Variants in SNRPN observed in about 807,000 individuals in gnomAD.
SNRPN encodes small nuclear ribonucleoprotein polypeptide N, also known as small nuclear ribonucleoprotein-associated protein N.
A neutral mutation model predicts 25.2 loss-of-function variants in SNRPN; 7 were observed. That is an observed-to-expected ratio of 0.28 (90% confidence interval 0.16 to 0.52). The LOEUF is 0.52. Ranked by LOEUF, SNRPN falls within the 20% of genes least tolerant of loss-of-function variation. SNRPN has a pLI of 0.96. For synonymous variants in SNRPN, 124 were observed against 110.6 expected (o/e 1.12, Z -0.76); for missense variants, 196 against 322.5 (o/e 0.61, Z 3.00).
Position 24,971,405 on chromosome 15 carries a change from G to A in SNRPN, c.-143-2906G>A, listed in dbSNP as rs958916165. 8.5e-5 allele frequency among the ~76,000 whole-genome samples: 13 copies of A among 152,224 alleles called. 1 individual carries two copies. The highest frequency in any genetic ancestry group is 6.8e-3 in the Middle Eastern group (2 of 294). ...TCATGACTACATTGTATCACATTTA[G>A]GGATGAGAGAGAACTGTTTCTAAAT... On this transcript the variant is annotated intron_variant, in intron 3 of 9. Transcript: ENST00000390687.
intron 2 of SNRPN, among the ~76,000 whole-genome samples, chr15:24,900,553 C>G (rs1378333092): frequency 6.6e-6 from 1 of 152,076 alleles, no homozygotes; most frequent in East Asian, 1.9e-4. Flanking sequence ...TCTTAAAGTC[C>G]CCTACAAATC....
At chr15:24,890,005 G>C (rs940991920) in intron 2 of SNRPN, among the ~76,000 whole-genome samples, 1 of 140,678 alleles carries the variant, frequency 7.1e-6, no homozygotes, top group Non-Finnish European at 1.5e-5. Flanking sequence ...AGCTGAGATC[G>C]CACCTCTGCA....
At chr15:24,919,076 T>A (rs2059875602) in intron 2 of SNRPN, among the ~76,000 whole-genome samples, 2 of 147,742 alleles carry the variant, frequency 1.4e-5, no homozygotes, top group Admixed American at 1.4e-4. Flanking sequence ...TAACATAATA[T>A]ATATGTGCGC....
intron 3 of SNRPN, among the ~76,000 whole-genome samples, chr15:24,924,368 G>T (rs916753493): frequency 6.6e-6 from 1 of 151,994 alleles, no homozygotes; most frequent in Non-Finnish European, 1.5e-5. Flanking sequence ...CAAAGTCTGC[G>T]TGTGTTATCA....
intron 3 of SNRPN, among the ~76,000 whole-genome samples, chr15:24,944,412 A>G (rs1271460486): frequency 6.6e-6 from 1 of 152,166 alleles, no homozygotes; most frequent in Non-Finnish European, 1.5e-5. Flanking sequence ...ATACTTATTT[A>G]ATTTAAAGTA....
chr15:24,824,387 G>A (rs907402887), intron 1 of SNRPN, among the ~76,000 whole-genome samples: 1 of 152,080 alleles, frequency 6.6e-6, no homozygotes, highest in Non-Finnish European at 1.5e-5. Context: ...AAAAGCTATA[G>A]ACATTGGCTT....
At chr15:24,919,753 A>G (rs2059928044) in intron 2 of SNRPN, among the ~76,000 whole-genome samples, 1 of 152,160 alleles carries the variant, frequency 6.6e-6, no homozygotes, top group African/African-American at 2.4e-5. Flanking sequence ...TATCAAAGGT[A>G]AGGAAGTTCT....
intron 1 of SNRPN, among the ~76,000 whole-genome samples, chr15:24,878,324 G>A (rs1237362490): frequency 6.6e-6 from 1 of 152,188 alleles, no homozygotes; most frequent in Non-Finnish European, 1.5e-5. Flanking sequence ...CGCAAGAAAT[G>A]TGCCACCGTT....
upstream of SNRPN, among the ~76,000 whole-genome samples, chr15:24,951,956 GTTTA>G (rs759948179): frequency 6.6e-6 from 1 of 152,044 alleles, no homozygotes; most frequent in South Asian, 2.1e-4. Context: ...ATGAAGTTCA[GTTTA>G]TTTATTATTT....
chr15:24,955,449 G>T (rs1477377260), intron 1 of SNRPN, among the ~76,000 whole-genome samples: 2 of 151,876 alleles, frequency 1.3e-5, no homozygotes, highest in Non-Finnish European at 1.5e-5. Flanking sequence ...TACGTGGGGG[G>T]ACCAGTGCAT....
Position 24,963,801 on chromosome 15 carries a change from G to A in SNRPN, c.-295+1592G>A, listed in dbSNP as rs186438819. 4.1e-3 allele frequency among the ~76,000 whole-genome samples: 624 copies of A among 152,158 alleles called. 4 individuals carry two copies. Among genetic ancestry groups the A allele is most frequent in the Non-Finnish European group, 5.2e-3 (353 of 68,008 alleles). On this transcript the variant is annotated intron_variant, in intron 2 of 9. Transcript: ENST00000390687. Reference sequence around the variant, plus strand: ...TGCCTCTAATCCCAGCATGTTGGGAGGCTGAGGTGGATCACTTGAGCCCAG... The same window carrying A: ...TGCCTCTAATCCCAGCATGTTGGGAAGCTGAGGTGGATCACTTGAGCCCAG...
At chr15:24,944,425 T>C (rs900462233) in intron 3 of SNRPN, among the ~76,000 whole-genome samples, 5 of 152,172 alleles carry the variant, frequency 3.3e-5, no homozygotes, top group Non-Finnish European at 7.4e-5. Context: ...TTAAAGTATC[T>C]GGGCTGGGCG....
rs568318044 is a variant in SNRPN at position 24,928,029 on chromosome 15, G to A, written c.-391+7905G>A. On this transcript the variant is annotated intron_variant, in intron 3 of 11. Transcript: ENST00000400097. ...GAAATATAAATCAAAACCACAATGA[G>A]ATATCATCTCATCCCAGTTAGAATT... Among the ~76,000 whole-genome samples the A allele has an allele frequency of 3.8e-4, 58 of 152,204 alleles. 1 individual carries two copies. The Middle Eastern group carries it at 0.024, about 62-fold the overall frequency.
intron 1 of SNRPN, among the ~76,000 whole-genome samples, chr15:24,958,520 T>A (rs430743): frequency 0.44 from 53,048 of 120,514 alleles, 12,971 homozygotes; most frequent in African/African-American, 0.6. Flanking sequence ...TTTTTTTTTT[T>A]AAATAGACCA....
chr15:24,940,419 A>T (rs767148577), intron 3 of SNRPN, among the ~76,000 whole-genome samples: 2 of 152,152 alleles, frequency 1.3e-5, no homozygotes, highest in Admixed American at 1.3e-4. Context: ...ATTCTTTTGC[A>T]TGTGGATATC....
At chr15:24,885,212 C>T (rs1039227706) in intron 1 of SNRPN, among the ~76,000 whole-genome samples, 2 of 152,170 alleles carry the variant, frequency 1.3e-5, no homozygotes, top group African/African-American at 2.4e-5. Context: ...ATCCTTGCAC[C>T]GGTAGCCTAG....
At chr15:24,975,129 G>C (rs1198299030) in intron 4 of SNRPN, among the ~76,000 whole-genome samples, 1 of 152,174 alleles carries the variant, frequency 6.6e-6, no homozygotes, top group Non-Finnish European at 1.5e-5. Context: ...ATAATCACCT[G>C]TAAGGAGGTG....
At chr15:24,937,018 G>A (rs544622277) in intron 3 of SNRPN, among the ~76,000 whole-genome samples, 1 of 152,286 alleles carries the variant, frequency 6.6e-6, no homozygotes, top group Non-Finnish European at 1.5e-5. Context: ...GCTGAGGTAG[G>A]TGGATCATGA....
At chr15:24,965,702 T>C (rs890958384) in intron 2 of SNRPN, among the ~76,000 whole-genome samples, 3 of 152,188 alleles carry the variant, frequency 2.0e-5, no homozygotes, top group African/African-American at 4.8e-5. Flanking sequence ...ATATATTTTA[T>C]GCTAAGCTTC....
Sources: gnomAD v4.1 joint callset for allele counts (sites outside exome capture counted in the v4.1 genomes callset) on GRCh38, gnomAD v4.1.1 for gene constraint, MANE v1.5 for transcripts, NCBI Gene and HGNC (gene_info 2026-07-23, HGNC 2026-07-21) for gene names.